Variants in COL6A6 observed in about 807,000 individuals in gnomAD.
The protein encoded by COL6A6 is collagen alpha-6(VI) chain.
Under a neutral mutation model 208.6 loss-of-function variants are expected in COL6A6, and 183 were observed. The observed-to-expected ratio is 0.88, with a 90% CI of 0.78 to 0.99. The LOEUF (loss-of-function observed/expected upper bound fraction) is 0.99. COL6A6 is among the 50% of genes least tolerant of loss of function. The pLI is 0.00. For missense variants in COL6A6, 2,816 were observed against 2,815.2 expected (o/e 1.00, Z -0.01); for synonymous variants, 973 against 1,011.8 (o/e 0.96, Z 0.73).
chr3:130,627,341 A>G lies in COL6A6; in HGVS notation c.4964A>G (p.Tyr1655Cys), dbSNP rs141836516. The change falls in exon 26 of 37, where the codon TAT becomes TGT. Residue 1655 changes from tyrosine to cysteine, a missense_variant. Physicochemically the swap from Tyr to Cys is radical, Grantham distance 194. Transcript: ENST00000358511. ...GLQGNDGSPGYGSVGRKGAKG... is the reference protein window; with the variant it reads ...GLQGNDGSPGCGSVGRKGAKG... ...CAGGGCAATGATGGCAGTCCAGGTT[A>G]TGGTAGTGTCGGACGCAAGGGAGCA... is the stretch of plus-strand genomic sequence containing the variant. 0.018 allele frequency: 29,271 copies of G among 1,613,576 alleles called. 348 individuals are homozygous for G. The highest frequency in any genetic ancestry group is 0.022 in the Non-Finnish European group (25,553 of 1,179,522).
intron 1 of COL6A6, among the ~76,000 whole-genome samples, chr3:130,544,374 TTC>T (rs745663868): frequency 6.6e-6 from 1 of 152,152 alleles, no homozygotes; most frequent in African/African-American, 2.4e-5. Context: ...TCCTCTCTCT[TTC>T]TCTCTCTCCC....
chr3:130,599,856 T>C (rs1300406161), intron 20 of COL6A6, 46 bp downstream of exon 20: 2 of 1,591,450 alleles, frequency 1.3e-6, no homozygotes, highest in Middle Eastern at 1.7e-4. Context: ...TGGTGGCTCA[T>C]GTTGTGGTGA....
In COL6A6 at chr3:130,652,344, C is replaced by T. The variant is rs144512923; in HGVS notation, c.5733+2782C>T. 4.2e-3 allele frequency among the ~76,000 whole-genome samples: 642 copies of T among 152,320 alleles called. 6 individuals are homozygous for T. Among genetic ancestry groups the T allele is most frequent in the African/African-American group, 0.014 (593 of 41,570 alleles). On this transcript the variant is annotated intron_variant, in intron 33 of 36. Transcript: ENST00000358511. ...TCGTGGAGAGGTACCTCTTCTCATT[C>T]AGATATCAGCAAGTCAGATTCAGAG...
At chr3:130,555,695 C>G (rs2062752278) in intron 1 of COL6A6, among the ~76,000 whole-genome samples, 1 of 152,102 alleles carries the variant, frequency 6.6e-6, no homozygotes, top group African/African-American at 2.4e-5. Context: ...TTTCCTTCTA[C>G]TCCTAATTTG....
At chr3:130,588,997 T>G (rs1577804621) in intron 11 of COL6A6, 93 bp from the exon 12 acceptor site, 1 of 776,020 alleles carries the variant, frequency 1.3e-6, no homozygotes, top group East Asian at 3.0e-5. Flanking sequence ...CTTCTGAAAC[T>G]GTGGTAGAAG....
intron 12 of COL6A6, 80 bp from the exon 13 acceptor site, chr3:130,590,961 C>A (rs1487601454): frequency 4.8e-6 from 5 of 1,050,780 alleles, no homozygotes; most frequent in Non-Finnish European, 5.8e-6. Context: ...TGAAGTAAAA[C>A]TGTAAAACTG....
intron 8 of COL6A6, among the ~76,000 whole-genome samples, chr3:130,575,076 T>C (rs1218730602): frequency 6.6e-6 from 1 of 152,214 alleles, no homozygotes; most frequent in Non-Finnish European, 1.5e-5. Context: ...TTTTCTGTTA[T>C]AAAGGTATCT....
At chr3:130,524,847 C>T (rs996591183) in intron 1 of COL6A6, among the ~76,000 whole-genome samples, 6 of 152,126 alleles carry the variant, frequency 3.9e-5, no homozygotes, top group African/African-American at 9.7e-5. Flanking sequence ...AGGAGATGTG[C>T]GCTGTGGATG....
chr3:130,577,338 C>CT (rs1324671782), intron 8 of COL6A6, among the ~76,000 whole-genome samples: 1 of 152,158 alleles, frequency 6.6e-6, no homozygotes, highest in African/African-American at 2.4e-5. Context: ...CCATCCCTGA[C>CT]TTTTTTGTTA....
Position 130,523,911 on chromosome 3 carries a change from T to C in COL6A6, c.-32+6514T>C, listed in dbSNP as rs1467308723. On this transcript the variant is annotated intron_variant, in intron 1 of 36. Coordinates refer to ENST00000358511, the MANE Select transcript of COL6A6 (RefSeq NM_001102608.3). ...CTTGAGTTTCAATATCTGCATTCCC[T>C]GGGTTAATGCCATGAATCCAATTTC... Among the ~76,000 whole-genome samples the C allele has an allele frequency of 3.9e-5, 6 of 152,242 alleles. No homozygotes were observed. The East Asian group carries it at 1.2e-3, about 29-fold the overall frequency.
intron 1 of COL6A6, among the ~76,000 whole-genome samples, chr3:130,527,890 C>CTTTTTTTTTT (rs56110472): frequency 2.9e-4 from 17 of 57,836 alleles, no homozygotes; most frequent in Admixed American, 6.6e-4. Flanking sequence ...GTTACTTTTC[C>CTTTTTTTTTT]TTTTTTTTTT....
chr3:130,578,650 C>T, intron 8 of COL6A6, among the ~76,000 whole-genome samples: 1 of 152,000 alleles, frequency 6.6e-6, no homozygotes, highest in East Asian at 1.9e-4. Flanking sequence ...CCATCTACTG[C>T]CTCTCATAAG....
At chr3:130,642,243 A>ATGTGTGTGTG (rs3074299) in intron 29 of COL6A6, among the ~76,000 whole-genome samples, 2,548 of 142,148 alleles carry the variant, frequency 0.018, 62 homozygotes, top group African/African-American at 0.047. Flanking sequence ...GACAGATTAT[A>ATGTGTGTGTG]TGTGTGTGTG....
intron 24 of COL6A6, among the ~76,000 whole-genome samples, chr3:130,625,190 A>G (rs1268020934): frequency 6.6e-6 from 1 of 152,204 alleles, no homozygotes; most frequent in Non-Finnish European, 1.5e-5. Context: ...CCTAAAAGGC[A>G]TCAAGGCAGA....
chr3:130,670,717 C>T (rs1440445787), intron 36 of COL6A6, among the ~76,000 whole-genome samples: 2 of 152,192 alleles, frequency 1.3e-5, no homozygotes, highest in African/African-American at 2.4e-5. Context: ...CCACCTACAT[C>T]GAGGCACCCA....
intron 23 of COL6A6, among the ~76,000 whole-genome samples, chr3:130,613,528 G>GT (rs1341129818): frequency 1.3e-5 from 2 of 152,118 alleles, no homozygotes; most frequent in Admixed American, 6.6e-5. Flanking sequence ...TTTTAAAATA[G>GT]TTTTTTTCTA....
intron 1 of COL6A6, among the ~76,000 whole-genome samples, chr3:130,519,771 G>T (rs1710957217): frequency 6.6e-6 from 1 of 152,168 alleles, no homozygotes; most frequent in African/African-American, 2.4e-5. Flanking sequence ...CTCAATAAAT[G>T]AGGACAATGG....
chr3:130,609,721 A>G (rs966804463), intron 22 of COL6A6, among the ~76,000 whole-genome samples: 5 of 152,162 alleles, frequency 3.3e-5, no homozygotes, highest in Admixed American at 6.5e-5. Flanking sequence ...AGGACAATCA[A>G]CGGCTCTGCT....
intron 1 of COL6A6, among the ~76,000 whole-genome samples, chr3:130,540,950 A>G (rs941931455): frequency 6.6e-6 from 1 of 152,216 alleles, no homozygotes; most frequent in Non-Finnish European, 1.5e-5. Context: ...TATTGTGAAT[A>G]GTGCTGCAGT....
Sources: allele counts gnomAD v4.1 joint callset (sites outside exome capture counted in the v4.1 genomes callset), GRCh38; gene constraint gnomAD v4.1.1; transcripts MANE v1.5; gene names NCBI Gene and HGNC (gene_info 2026-07-23, HGNC 2026-07-21).